CNIH3: variants seen among roughly 807,000 people sequenced by gnomAD.
The protein encoded by CNIH3 is protein cornichon homolog 3.
Under a neutral mutation model 24.1 loss-of-function variants are expected in CNIH3, and 14 were observed. That is an observed-to-expected ratio of 0.58 (90% confidence interval 0.38 to 0.91). The LOEUF (loss-of-function observed/expected upper bound fraction) is 0.91. CNIH3 is among the 40% of genes least tolerant of loss of function. The pLI is 0.00. For missense variants in CNIH3, 178 were observed against 196.8 expected (o/e 0.90, Z 0.57); for synonymous variants, 68 against 73.8 (o/e 0.92, Z 0.40).
chr1:224,461,299 G>T (rs1321113950), intron 1 of CNIH3, among the ~76,000 whole-genome samples: 1 of 152,010 alleles, frequency 6.6e-6, no homozygotes, highest in African/African-American at 2.4e-5. Context: ...CACTGTGCCT[G>T]GCCTCCATTG....
Position 224,684,794 on chromosome 1 carries a change from A to C in CNIH3, c.151-2A>C. On this transcript the variant is annotated splice_acceptor_variant, in intron 2 of 5. Coordinates refer to ENST00000272133, the MANE Select transcript of CNIH3 (RefSeq NM_152495.2). LOFTEE classifies it high-confidence loss of function. The surrounding 1 kb of genome is among the most constrained non-coding windows in gnomAD (Gnocchi z 4.2). Reference sequence around the variant, plus strand: ...TCATTTCTTTCTTGTGCATCCTGATAGAGGGAACGGTTGAGGAACATCGAG... The same window carrying C: ...TCATTTCTTTCTTGTGCATCCTGATCGAGGGAACGGTTGAGGAACATCGAG... The C allele has an allele frequency of 6.2e-7, 1 of 1,613,848 alleles. No homozygotes were observed. Among genetic ancestry groups the C allele is most frequent in the South Asian group, 1.1e-5 (1 of 91,070 alleles).
chr1:224,509,708 A>G (rs1398065281), intron 1 of CNIH3, among the ~76,000 whole-genome samples: 2 of 152,160 alleles, frequency 1.3e-5, no homozygotes, highest in South Asian at 2.1e-4. Flanking sequence ...ATCCAAACAA[A>G]AAGAAGTGTG....
chr1:224,734,615 G>C lies in CNIH3; in HGVS notation c.364G>C (p.Val122Leu). ...SSELAYDPPV[V>L]MNADTLSYCQ... ...AGAACTAGCCTACGACCCACCGGTG[G>C]TCATGAATGCCGACACTTTGAGTTA... Residue 122 changes from valine (V) to leucine (L), a missense_variant, in exon 5 of 6, where the codon GTC (valine) becomes CTC (leucine). Val to Leu is a conservative substitution (Grantham distance 32). Coordinates refer to ENST00000272133, the MANE Select transcript of CNIH3 (RefSeq NM_152495.2). 1 of 1,614,196 alleles carries C rather than the reference G, an allele frequency of 6.2e-7. No homozygotes were observed. Among genetic ancestry groups the C allele is most frequent in the Non-Finnish European group, 8.5e-7 (1 of 1,180,028 alleles).
intron 3 of CNIH3, among the ~76,000 whole-genome samples, chr1:224,702,462 AAG>A (rs1687548687): frequency 6.6e-6 from 1 of 152,186 alleles, no homozygotes; most frequent in Non-Finnish European, 1.5e-5. Context: ...CCAGCAGTAT[AAG>A]AGAGTGTCTG....
intron 1 of CNIH3, among the ~76,000 whole-genome samples, chr1:224,673,798 C>A (rs55838462): frequency 0.018 from 2,633 of 146,710 alleles, 73 homozygotes; most frequent in African/African-American, 0.062. Context: ...TCGTGGGTAT[C>A]TAGTCAGTAT....
At chr1:224,656,721 C>T (rs1237751251) in intron 1 of CNIH3, among the ~76,000 whole-genome samples, 3 of 152,128 alleles carry the variant, frequency 2.0e-5, no homozygotes, top group South Asian at 4.2e-4. Flanking sequence ...GTTGGGATTT[C>T]CAGGTCTTCA....
intron 1 of CNIH3, among the ~76,000 whole-genome samples, chr1:224,446,249 A>G (rs1675162422): frequency 1.0e-5 from 1 of 96,894 alleles, no homozygotes; most frequent in South Asian, 2.9e-4. Context: ...TGTCTTGGCT[A>G]TTCTGGGCCC....
intron 1 of CNIH3, among the ~76,000 whole-genome samples, chr1:224,494,570 C>A (rs747110963): frequency 2.0e-5 from 3 of 152,170 alleles, no homozygotes; most frequent in South Asian, 4.1e-4. Flanking sequence ...TTGCTTGTGG[C>A]TGAAGCCGTG....
intron 3 of CNIH3, among the ~76,000 whole-genome samples, chr1:224,561,249 G>A (rs1175202905): frequency 2.6e-5 from 4 of 152,060 alleles, no homozygotes; most frequent in African/African-American, 4.8e-5. Flanking sequence ...TAACTTTAAT[G>A]TATTCTAGTG....
intron 3 of CNIH3, among the ~76,000 whole-genome samples, chr1:224,702,599 A>C (rs537750808): frequency 6.6e-6 from 1 of 152,120 alleles, no homozygotes; most frequent in Non-Finnish European, 1.5e-5. Context: ...GCAGTCAGGA[A>C]CTTCTTCTCA....
intron 4 of CNIH3, among the ~76,000 whole-genome samples, chr1:224,571,794 G>T (rs1650977485): frequency 6.6e-6 from 1 of 152,152 alleles, no homozygotes; most frequent in African/African-American, 2.4e-5. Context: ...GACCTGCAGG[G>T]GCAACCAGAG....
intron 1 of CNIH3, among the ~76,000 whole-genome samples, chr1:224,628,477 C>T (rs1464494522): frequency 6.6e-6 from 1 of 152,062 alleles, no homozygotes; most frequent in Non-Finnish European, 1.5e-5. Flanking sequence ...CACCATTCTA[C>T]CTTGTCCCTC....
intron 3 of CNIH3, among the ~76,000 whole-genome samples, chr1:224,605,131 G>C (rs891786705): frequency 6.6e-6 from 1 of 152,184 alleles, no homozygotes; most frequent in African/African-American, 2.4e-5. Flanking sequence ...ATAGGTGAAG[G>C]GTGGGGATCA....
At chr1:224,589,267 T>G (rs192480385), downstream of CNIH3, among the ~76,000 whole-genome samples, 1 of 152,314 alleles carries the variant, frequency 6.6e-6, no homozygotes, top group African/African-American at 2.4e-5. Flanking sequence ...AATGTCTCCA[T>G]GCTCACTTCC....
At chr1:224,506,269 ACGCG>A (rs760624445) in intron 1 of CNIH3, among the ~76,000 whole-genome samples, 10 of 130,754 alleles carry the variant, frequency 7.6e-5, no homozygotes, top group East Asian at 4.2e-4. Flanking sequence ...ATGCACGCAC[ACGCG>A]CGCGCGCGCG....
intron 4 of CNIH3, among the ~76,000 whole-genome samples, chr1:224,581,763 T>C (rs1681283158): frequency 6.6e-6 from 1 of 152,216 alleles, no homozygotes; most frequent in Admixed American, 6.5e-5. Flanking sequence ...GGAAGATGAT[T>C]TAAGGTCAAA....
intron 1 of CNIH3, chr1:224,435,905 A>G (rs1381873624): frequency 1.3e-5 from 2 of 151,974 alleles, no homozygotes; most frequent in Non-Finnish European, 2.9e-5. Flanking sequence ...TGGGGAGGGG[A>G]AAAAAAACAC....
intron 1 of CNIH3, among the ~76,000 whole-genome samples, chr1:224,641,831 T>C (rs1169779546): frequency 1.3e-5 from 2 of 152,204 alleles, no homozygotes; most frequent in Non-Finnish European, 2.9e-5. Flanking sequence ...CTTGCAACCA[T>C]GTCAAAAATT....
At chr1:224,693,521 G>A (rs1233203090) in intron 3 of CNIH3, among the ~76,000 whole-genome samples, 2 of 152,116 alleles carry the variant, frequency 1.3e-5, no homozygotes, top group South Asian at 4.2e-4. Flanking sequence ...TCTTGTATCT[G>A]GTGGGCAGCA....
Sources: gnomAD v4.1 joint callset for allele counts (sites outside exome capture counted in the v4.1 genomes callset) on GRCh38, gnomAD v4.1.1 for gene constraint, Gnocchi (gnomAD v3.1) non-coding constraint, MANE v1.5 for transcripts, NCBI Gene and HGNC (gene_info 2026-07-23, HGNC 2026-07-21) for gene names.